Variants in ROBO1 observed in about 807,000 individuals in gnomAD.
ROBO1 encodes the protein roundabout guidance receptor 1.
ROBO1 carries 149 observed loss-of-function variants against 195.9 expected under a neutral mutation model. That is an observed-to-expected ratio of 0.76 (90% confidence interval 0.67 to 0.87). ROBO1 has a LOEUF of 0.87. Ranked by LOEUF, ROBO1 falls within the 40% of genes least tolerant of loss-of-function variation. The pLI is 0.00. For synonymous variants in ROBO1, 816 were observed against 733.2 expected, an observed-to-expected ratio of 1.11 and a Z score of -1.82; for missense variants, 1,933 against 2,068.3, an observed-to-expected ratio of 0.93 and a Z score of 1.27.
At chr3:79,171,821 G>A (rs2081172355) in intron 2 of ROBO1, among the ~76,000 whole-genome samples, 1 of 152,034 alleles carries the variant, frequency 6.6e-6, no homozygotes, top group Non-Finnish European at 1.5e-5. Context: ...TTGACTATAT[G>A]AAATCTATAA....
chr3:79,080,428 C>G (rs1410637294), intron 3 of ROBO1, among the ~76,000 whole-genome samples: 1 of 151,778 alleles, frequency 6.6e-6, no homozygotes, highest in African/African-American at 2.4e-5. Context: ...CTAACATACA[C>G]TATAAAGTCC....
chr3:79,490,171 C>G (rs764230730), intron 2 of ROBO1, among the ~76,000 whole-genome samples: 1 of 152,078 alleles, frequency 6.6e-6, no homozygotes, highest in Admixed American at 6.5e-5. Context: ...GCTTTTTTAT[C>G]TCTTACTAGA....
chr3:78,884,948 G>T (rs894389378), intron 4 of ROBO1, among the ~76,000 whole-genome samples: 3 of 151,068 alleles, frequency 2.0e-5, no homozygotes, highest in African/African-American at 7.3e-5. Flanking sequence ...TTTGTACGAA[G>T]GCTGCATGTT....
At chr3:79,438,302 C>CA in intron 2 of ROBO1, among the ~76,000 whole-genome samples, 2 of 151,948 alleles carry the variant, frequency 1.3e-5, no homozygotes, top group East Asian at 3.9e-4. Context: ...TACTGCCAAC[C>CA]AAAATGTCTA....
chr3:79,211,409 A>G (rs1405461074), intron 2 of ROBO1, among the ~76,000 whole-genome samples: 2 of 152,188 alleles, frequency 1.3e-5, no homozygotes, highest in African/African-American at 4.8e-5. Flanking sequence ...TGTTCTCCAT[A>G]GGTAAGCACT....
At chr3:78,863,470 G>C (rs2034976925) in intron 4 of ROBO1, among the ~76,000 whole-genome samples, 1 of 152,126 alleles carries the variant, frequency 6.6e-6, no homozygotes, top group African/African-American at 2.4e-5. Context: ...CAGAAACCTA[G>C]CCAGGGGTAA....
At chr3:79,036,470 A>T (rs1447837704) in intron 3 of ROBO1, among the ~76,000 whole-genome samples, 1 of 152,156 alleles carries the variant, frequency 6.6e-6, no homozygotes, top group East Asian at 1.9e-4. Flanking sequence ...ATATATAAAC[A>T]TCTTTTAAGT....
At chr3:79,472,254 C>T (rs1938319400) in intron 2 of ROBO1, among the ~76,000 whole-genome samples, 1 of 152,078 alleles carries the variant, frequency 6.6e-6, no homozygotes, top group Non-Finnish European at 1.5e-5. Flanking sequence ...TTCCCACAAT[C>T]CTGCCCAATG....
chr3:79,574,618 C>T (rs893389078), intron 2 of ROBO1, among the ~76,000 whole-genome samples: 2 of 151,866 alleles, frequency 1.3e-5, no homozygotes, highest in African/African-American at 4.8e-5. Context: ...TTTAATCAGA[C>T]TGCATATATA....
intron 2 of ROBO1, among the ~76,000 whole-genome samples, chr3:79,445,853 C>T (rs1559905274): frequency 6.6e-6 from 1 of 151,988 alleles, no homozygotes; most frequent in Non-Finnish European, 1.5e-5. Context: ...GGTGTTTCAC[C>T]GTGTTAGCCA....
At chr3:79,623,045 G>A (rs1243710635) in intron 1 of ROBO1, among the ~76,000 whole-genome samples, 2 of 152,226 alleles carry the variant, frequency 1.3e-5, no homozygotes, top group East Asian at 3.9e-4. Context: ...GGGGCCTGAC[G>A]TGAACCCCCA....
chr3:79,009,287 A>G (rs1034268895), intron 3 of ROBO1, among the ~76,000 whole-genome samples: 1 of 151,904 alleles, frequency 6.6e-6, no homozygotes, highest in Non-Finnish European at 1.5e-5. Flanking sequence ...AAAAACCTTA[A>G]TAAGAACCAA....
chr3:78,696,515 G>T (rs755755326), intron 8 of ROBO1, among the ~76,000 whole-genome samples: 2 of 151,784 alleles, frequency 1.3e-5, no homozygotes, highest in Admixed American at 6.6e-5. Context: ...TTTCCTGCTG[G>T]CTAATCAATT....
intron 18 of ROBO1, among the ~76,000 whole-genome samples, chr3:78,656,857 T>C (rs979718633): frequency 1.3e-5 from 2 of 152,214 alleles, no homozygotes; most frequent in Non-Finnish European, 2.9e-5. Flanking sequence ...TGTTCAAGTT[T>C]AGTTGAGATA....
intron 4 of ROBO1, among the ~76,000 whole-genome samples, chr3:78,893,718 T>TA (rs1339415239): frequency 2.0e-5 from 3 of 152,238 alleles, no homozygotes; most frequent in Middle Eastern, 3.4e-3. Flanking sequence ...ACTTTATAAA[T>TA]AAAAAATGAT....
chr3:78,609,576 G>A (rs1703668557), intron 28 of ROBO1, among the ~76,000 whole-genome samples: 1 of 152,138 alleles, frequency 6.6e-6, no homozygotes, highest in African/African-American at 2.4e-5. Context: ...ATTTCCATAT[G>A]TGTACATAGG....
chr3:79,056,230 G>T (rs966604800), intron 3 of ROBO1, among the ~76,000 whole-genome samples: 4 of 152,086 alleles, frequency 2.6e-5, no homozygotes, highest in African/African-American at 9.7e-5. Context: ...TCAATGGAAA[G>T]TACTTCCTTA....
chr3:79,436,888 A>T (rs2038907831), intron 2 of ROBO1, among the ~76,000 whole-genome samples: 1 of 152,024 alleles, frequency 6.6e-6, no homozygotes, highest in Admixed American at 6.6e-5. Flanking sequence ...CACGCCCCTA[A>T]CATGATTTTT....
At chr3:79,628,019 C>G (rs565628946) in intron 1 of ROBO1, among the ~76,000 whole-genome samples, 1 of 152,240 alleles carries the variant, frequency 6.6e-6, no homozygotes, top group African/African-American at 2.4e-5. Flanking sequence ...AGTAGGAATG[C>G]TTTTACACTG....
Sources: allele counts gnomAD v4.1 joint callset (sites outside exome capture counted in the v4.1 genomes callset), GRCh38; gene constraint gnomAD v4.1.1; transcripts MANE v1.5; gene names NCBI Gene and HGNC (gene_info 2026-07-23, HGNC 2026-07-21).